GPR35: variants seen among roughly 807,000 people sequenced by gnomAD.
GPR35 encodes G protein-coupled receptor 35, also known as KYNA receptor.
For synonymous variants in GPR35, 207 were observed against 198.4 expected, an observed-to-expected ratio of 1.04 and a Z score of -0.36; for missense variants, 372 against 422.5, an observed-to-expected ratio of 0.88 and a Z score of 1.05.
At chr2:240,623,411 C>T (rs1386742485), upstream of GPR35, among the ~76,000 whole-genome samples, 1 of 72,464 alleles carries the variant, frequency 1.4e-5, no homozygotes, top group African/African-American at 4.7e-5. Context: ...AGGGCGCAAA[C>T]AGATCGTGAG....
Position 240,630,029 on chromosome 2 carries a change from A to G in GPR35, c.77A>G (p.Tyr26Cys). 1 of 1,612,828 alleles carries G rather than the reference A, an allele frequency of 6.2e-7. No homozygotes were observed. The highest frequency in any genetic ancestry group is 1.1e-5 in the South Asian group (1 of 91,080). Reference protein sequence around the residue: ...PPAIKLGFYAYLGVLLVLGLL... With the variant: ...PPAIKLGFYACLGVLLVLGLL... ...GCGATCAAGCTGGGCTTCTACGCCT[A>G]CTTGGGCGTCCTGCTGGTGCTAGGC... Residue 26 changes from tyrosine to cysteine, a missense_variant, in exon 2 of 2, where the codon TAC (tyrosine) becomes TGC (cysteine). Physicochemically the swap from Tyr to Cys is radical, Grantham distance 194 (BLOSUM62 -2). Coordinates refer to ENST00000407714, the MANE Select transcript of GPR35 (RefSeq NM_005301.5).
intron 2 of GPR35, among the ~76,000 whole-genome samples, chr2:240,608,011 C>T (rs2043151738): frequency 1.3e-5 from 2 of 152,164 alleles, no homozygotes; most frequent in Non-Finnish European, 2.9e-5. Flanking sequence ...CCCACCTCAG[C>T]TTCCCAAGTA....
chr2:240,621,049 G>T (rs781160718), upstream of GPR35, among the ~76,000 whole-genome samples: 11 of 152,102 alleles, frequency 7.2e-5, no homozygotes, highest in Non-Finnish European at 1.2e-4. Flanking sequence ...AGTGCTGAGG[G>T]TGACAGGGAA....
At chr2:240,625,346 G>T, upstream of GPR35, 1 of 985,468 alleles carries the variant, frequency 1.0e-6, no homozygotes, top group Non-Finnish European at 1.2e-6. Context: ...ACGCCCTCTA[G>T]CTGGGGCTGG....
intron 5 of GPR35, among the ~76,000 whole-genome samples, chr2:240,619,703 A>G (rs764916252): frequency 3.6e-4 from 55 of 151,810 alleles, no homozygotes; most frequent in Non-Finnish European, 7.1e-4. Flanking sequence ...CACGACACAC[A>G]CTCCGCTCTC....
chr2:240,617,123 A>C (rs2043247675), exon 4 of GPR35: 1 of 703,574 alleles, frequency 1.4e-6, no homozygotes, highest in African/African-American at 1.8e-5. Flanking sequence ...ATCTCCTCGT[A>C]GCTGAGCCTT....
At chr2:240,613,367 G>A (rs551927228) in intron 2 of GPR35, among the ~76,000 whole-genome samples, 11 of 152,218 alleles carry the variant, frequency 7.2e-5, no homozygotes, top group African/African-American at 2.4e-4. Context: ...TGTAAAAGAG[G>A]CCCTGGACAA....
At chr2:240,616,306 G>A (rs370599751) in intron 2 of GPR35, 2 of 673,418 alleles carry the variant, frequency 3.0e-6, no homozygotes, top group South Asian at 1.7e-5. Flanking sequence ...GGATGCATAC[G>A]AGGTCCCCGC....
chr2:240,610,861 C>T (rs1032534505), intron 2 of GPR35, among the ~76,000 whole-genome samples: 1 of 151,548 alleles, frequency 6.6e-6, no homozygotes, highest in African/African-American at 2.4e-5. Context: ...GTCTTGATCT[C>T]CTGACCTCGT....
chr2:240,625,504 G>A lies in GPR35; in HGVS notation c.-69G>A. 1 of 986,004 alleles carries A rather than the reference G, an allele frequency of 1.0e-6. No individual in the cohort carries two copies. The highest frequency in any genetic ancestry group is 1.2e-6 in the Non-Finnish European group (1 of 830,368). 61.1% of individuals were successfully genotyped at this position (986,004 alleles called of 1,614,324 possible). A position where few individuals can be genotyped will look rare whatever the true frequency, so the allele number is the denominator to read the frequency against. ...CACTTCCCCCAGCCCTTCTCAGACA[G>A]CCACTGTGCAGGCTTTGGCAGCGGG... On this transcript the variant is annotated 5_prime_UTR_variant, in exon 1 of 2. Coordinates refer to ENST00000407714, the MANE Select transcript of GPR35 (RefSeq NM_005301.5).
At chr2:240,628,194 C>G (rs1027111146) in intron 1 of GPR35, 14 of 151,962 alleles carry the variant, frequency 9.2e-5, no homozygotes, top group Non-Finnish European at 1.3e-4. Flanking sequence ...GATCTCCTGG[C>G]CCCCAGCGGG....
chr2:240,620,115 C>T (rs1229834631), intron 5 of GPR35, among the ~76,000 whole-genome samples: 1 of 152,170 alleles, frequency 6.6e-6, no homozygotes, highest in African/African-American at 2.4e-5. Context: ...AGAAACCTGG[C>T]TGGGGCAGCA....
chr2:240,613,880 C>T (rs191840342), intron 2 of GPR35, among the ~76,000 whole-genome samples: 1 of 150,592 alleles, frequency 6.6e-6, no homozygotes, highest in East Asian at 2.0e-4. Flanking sequence ...CCTAACTCAA[C>T]CCAAACCTTA....
rs199596106 is a variant in GPR35, at chr2:240,630,307, C to A, written c.355C>A (p.Arg119=). ...CGCCGTGGACCGCTATGTGGCCGTG[C>A]GGCACCCGCTGCGTGCCCGCGGGCT... ...AIAVDRYVAV[R]HPLRARGLRS... Residue 119 remains arginine (R), a synonymous_variant, in exon 2 of 2, where the codon CGG becomes AGG. Coordinates refer to ENST00000407714, the MANE Select transcript of GPR35 (RefSeq NM_005301.5). 2 of 1,580,428 alleles carry A rather than the reference C, an allele frequency of 1.3e-6. No homozygotes were observed. The highest frequency in any genetic ancestry group is 1.1e-5 in the South Asian group (1 of 87,578).
intron 5 of GPR35, among the ~76,000 whole-genome samples, chr2:240,619,872 C>T (rs1162254922): frequency 3.3e-5 from 5 of 152,114 alleles, no homozygotes; most frequent in African/African-American, 7.2e-5. Flanking sequence ...ATCTTAGGAG[C>T]GGGGCTCTTG....
rs1273766718 is a variant in GPR35, at chr2:240,630,774, C to G, written c.822C>G (p.Ile274Met). ...LSDANCCLDA[I>M]CYYYMAKEFQ... ...ATGCCAACTGCTGCCTGGACGCCAT[C>G]TGCTACTACTACATGGCCAAGGAGT... Residue 274 changes from isoleucine (I) to methionine (M), a missense_variant, in exon 2 of 2, where the codon ATC becomes ATG. Ile to Met is a conservative substitution (Grantham distance 10). Coordinates refer to ENST00000407714, the MANE Select transcript of GPR35 (RefSeq NM_005301.5). The G allele has an allele frequency of 1.9e-6, 3 of 1,613,588 alleles. No individual in the cohort carries two copies. The Admixed American group carries it at 5.0e-5, about 27-fold the overall frequency.
At chr2:240,619,540 C>T (rs55773630) in intron 5 of GPR35, among the ~76,000 whole-genome samples, 10 of 152,232 alleles carry the variant, frequency 6.6e-5, no homozygotes, top group Non-Finnish European at 1.3e-4. Flanking sequence ...TTGCCATTTC[C>T]TGGGCCCATC....
At chr2:240,616,413 C>A in exon 3 of GPR35, 1 of 780,094 alleles carries the variant, frequency 1.3e-6, no homozygotes, top group Non-Finnish European at 2.4e-6. Context: ...CAGCTTCCTG[C>A]AGACTGGACT....
upstream of GPR35, among the ~76,000 whole-genome samples, chr2:240,623,500 T>TCGTGAGGGCGCAAACAGGTCGTGAGGGC (rs1271290001): frequency 1.8e-5 from 2 of 111,006 alleles, no homozygotes; most frequent in African/African-American, 8.7e-5. Context: ...GTCGTGAGGG[T>TCGTGAGGGCGCAAACAGGTCGTGAGGGC]GCAAACAGGT....
Sources: allele counts gnomAD v4.1 joint callset (sites outside exome capture counted in the v4.1 genomes callset), GRCh38; gene constraint gnomAD v4.1.1; transcripts MANE v1.5; gene names NCBI Gene and HGNC (gene_info 2026-07-23, HGNC 2026-07-21).